PTPRK: variants seen among roughly 807,000 people sequenced by gnomAD.
PTPRK encodes the protein receptor-type tyrosine-protein phosphatase kappa.
In PTPRK, 75 loss-of-function variants were observed where a neutral mutation model predicts 178.0. That is an observed-to-expected ratio of 0.42 (90% CI 0.35 to 0.51). The LOEUF is 0.51. Ranked by LOEUF, PTPRK falls within the 20% of genes least tolerant of loss-of-function variation. The probability of loss-of-function intolerance (pLI) is 0.02; values close to 1 mark genes in which losing one functional copy is unlikely to be tolerated. For synonymous variants in PTPRK, 637 were observed against 620.6 expected (o/e 1.03, Z -0.39); for missense variants, 1,441 against 1,797.8 (o/e 0.80, Z 3.59).
chr6:128,461,159 A>G (rs897508284), intron 1 of PTPRK, among the ~76,000 whole-genome samples: 15 of 152,254 alleles, frequency 9.9e-5, no homozygotes, highest in African/African-American at 3.6e-4. Flanking sequence ...TGTTAGGAAA[A>G]AACATATTTA....
intron 7 of PTPRK, among the ~76,000 whole-genome samples, chr6:128,172,706 T>C (rs1461330901): frequency 6.6e-6 from 1 of 151,658 alleles, no homozygotes; most frequent in Non-Finnish European, 1.5e-5. Context: ...ATACTAGATA[T>C]ATATGTATGT....
intron 6 of PTPRK, among the ~76,000 whole-genome samples, chr6:128,215,918 A>C (rs182644562): frequency 6.6e-6 from 1 of 152,262 alleles, no homozygotes; most frequent in African/African-American, 2.4e-5. Context: ...GTTAATTCTC[A>C]GCACTGTTTC....
chr6:128,478,470 T>C (rs775201574), intron 1 of PTPRK, among the ~76,000 whole-genome samples: 61 of 152,228 alleles, frequency 4.0e-4, no homozygotes, highest in Non-Finnish European at 7.5e-4. Flanking sequence ...AATACAGATA[T>C]TCAGGTAGCC....
At chr6:128,356,480 T>G (rs1302721288) in intron 2 of PTPRK, among the ~76,000 whole-genome samples, 1 of 152,206 alleles carries the variant, frequency 6.6e-6, no homozygotes, top group Non-Finnish European at 1.5e-5. Context: ...CTACTGTATC[T>G]TTCCAAAGCA....
chr6:127,996,486 T>G (rs1777164600), intron 17 of PTPRK, among the ~76,000 whole-genome samples: 1 of 152,158 alleles, frequency 6.6e-6, no homozygotes, highest in Non-Finnish European at 1.5e-5. Flanking sequence ...TGTTGTTGTT[T>G]TTTGAGACAG....
At chr6:128,218,744 C>G (rs1562811088) in intron 6 of PTPRK, among the ~76,000 whole-genome samples, 178 bp downstream of exon 6, 1 of 152,198 alleles carries the variant, frequency 6.6e-6, no homozygotes, top group Non-Finnish European at 1.5e-5. Flanking sequence ...AAAAACTTTA[C>G]AAACTACAGT....
chr6:128,379,629 G>A (rs1401311383), intron 2 of PTPRK, among the ~76,000 whole-genome samples: 1 of 152,198 alleles, frequency 6.6e-6, no homozygotes, highest in Non-Finnish European at 1.5e-5. Flanking sequence ...TGGCAGAAAT[G>A]CCTCAGTTGC....
At chr6:128,348,325 G>T (rs1333420791) in intron 2 of PTPRK, among the ~76,000 whole-genome samples, 1 of 151,854 alleles carries the variant, frequency 6.6e-6, no homozygotes, top group Admixed American at 6.6e-5. Flanking sequence ...AATCCAGATG[G>T]AGACTACTAG....
At chr6:128,218,556 C>T (rs1809779804) in intron 6 of PTPRK, among the ~76,000 whole-genome samples, 1 of 152,102 alleles carries the variant, frequency 6.6e-6, no homozygotes, top group South Asian at 2.1e-4. Flanking sequence ...ACTTCATTGC[C>T]ACAATGCTTC....
intron 6 of PTPRK, among the ~76,000 whole-genome samples, chr6:128,199,715 G>A (rs1048717594): frequency 6.6e-6 from 1 of 152,114 alleles, no homozygotes; most frequent in Admixed American, 6.6e-5. Flanking sequence ...CTCATCCTGA[G>A]ATTTAACATT....
At chr6:128,003,109 T>C (rs1337427131) in intron 15 of PTPRK, 5 of 1,322,094 alleles carry the variant, frequency 3.8e-6, no homozygotes, top group East Asian at 5.0e-5. Context: ...AGCTGCCTCC[T>C]GCACTGTAAA....
rs186144483 is a variant in PTPRK at position 128,204,583 on chromosome 6, C to T, written c.868+14339G>A. On this transcript the variant is annotated intron_variant, in intron 6 of 29. Coordinates refer to ENST00000368226, the MANE Select transcript of PTPRK (RefSeq NM_002844.4). The stretch of plus-strand genomic sequence containing the variant: ...AAGCGAATTTACAAGAAGAAAACAA[C>T]TCCATTAAAAAGTAGGCAAAGGACA... Among the ~76,000 whole-genome samples the T allele has an allele frequency of 4.9e-3, 735 of 151,510 alleles. 2 individuals are homozygous for T. Among genetic ancestry groups the T allele is most frequent in the South Asian group, 7.9e-3 (38 of 4,808 alleles).
chr6:128,332,149 T>A (rs1830362250), intron 2 of PTPRK, among the ~76,000 whole-genome samples: 1 of 152,100 alleles, frequency 6.6e-6, no homozygotes, highest in Admixed American at 6.6e-5. Flanking sequence ...TTAATCCCCT[T>A]CCCCTACTAC....
intron 19 of PTPRK, among the ~76,000 whole-genome samples, 164 bp from the exon 20 acceptor site, chr6:127,991,555 A>C (rs568038532): frequency 6.6e-6 from 1 of 150,976 alleles, no homozygotes; most frequent in Admixed American, 6.6e-5. Flanking sequence ...AATTCCCACA[A>C]TAGGCAAAAA....
At chr6:128,215,578 T>C (rs1295700133) in intron 6 of PTPRK, among the ~76,000 whole-genome samples, 2 of 152,136 alleles carry the variant, frequency 1.3e-5, no homozygotes, top group African/African-American at 4.8e-5. Context: ...GTAATTTCTG[T>C]TTCTCCATAC....
chr6:128,275,449 A>G (rs925521423), intron 3 of PTPRK, among the ~76,000 whole-genome samples: 1 of 152,036 alleles, frequency 6.6e-6, no homozygotes, highest in Admixed American at 6.6e-5. Context: ...AGAGTAAAAG[A>G]AAGAGTTCAA....
chr6:127,982,520 C>A (rs368264585), intron 24 of PTPRK, among the ~76,000 whole-genome samples: 2 of 152,164 alleles, frequency 1.3e-5, no homozygotes, highest in South Asian at 4.1e-4. Flanking sequence ...GTGATCCACC[C>A]GCCTCGGCCT....
At chr6:128,177,715 C>A (rs183765269) in intron 7 of PTPRK, among the ~76,000 whole-genome samples, 1 of 151,850 alleles carries the variant, frequency 6.6e-6, no homozygotes, top group East Asian at 1.9e-4. Context: ...AGGTACTGGG[C>A]AAGGCTATTT....
intron 1 of PTPRK, among the ~76,000 whole-genome samples, chr6:128,417,900 G>C (rs1843017811): frequency 6.6e-6 from 1 of 152,114 alleles, no homozygotes; most frequent in Admixed American, 6.5e-5. Flanking sequence ...CTTTGTGTGT[G>C]TTCCTCTCAC....
Sources: allele counts gnomAD v4.1 joint callset (sites outside exome capture counted in the v4.1 genomes callset), GRCh38; gene constraint gnomAD v4.1.1; transcripts MANE v1.5; gene names NCBI Gene and HGNC (gene_info 2026-07-23, HGNC 2026-07-21).